HOXD3: variants seen among roughly 807,000 people sequenced by gnomAD.
The protein encoded by HOXD3 is homeobox D3.
A neutral mutation model predicts 32.8 loss-of-function variants in HOXD3; 13 were observed. That is an observed-to-expected ratio of 0.40 (90% CI 0.26 to 0.63). HOXD3 has a LOEUF of 0.63. Ranked by LOEUF, HOXD3 falls within the 20% of genes least tolerant of loss-of-function variation. The probability of loss-of-function intolerance (pLI) is 0.44; values close to 1 mark genes in which losing one functional copy is unlikely to be tolerated. For missense variants in HOXD3, 504 were observed against 577.1 expected, an observed-to-expected ratio of 0.87 and a Z score of 1.30; for synonymous variants, 241 against 246.8, an observed-to-expected ratio of 0.98 and a Z score of 0.22.
chr2:176,166,261 A>T (rs1260952281), intron 2 of HOXD3, among the ~76,000 whole-genome samples: 1 of 152,242 alleles, frequency 6.6e-6, no homozygotes, highest in Non-Finnish European at 1.5e-5. Flanking sequence ...GCAAATATAT[A>T]TATAAAGCCA....
intron 1 of HOXD3, among the ~76,000 whole-genome samples, chr2:176,159,450 C>T (rs925910710): frequency 6.6e-6 from 1 of 152,214 alleles, no homozygotes; most frequent in Non-Finnish European, 1.5e-5. Flanking sequence ...TCACCGGTCT[C>T]AGACCCTGCA....
chr2:176,156,673 G>A (rs4972505), upstream of HOXD3, among the ~76,000 whole-genome samples: 67,681 of 151,712 alleles, frequency 0.45, 15,778 homozygotes, highest in East Asian at 0.72. Context: ...CACCCCTCAG[G>A]CAACAATAAA....
chr2:176,164,652 C>T (rs1030462150), intron 2 of HOXD3: 2 of 151,804 alleles, frequency 1.3e-5, no homozygotes, highest in African/African-American at 4.9e-5. Context: ...GATCCGTGGG[C>T]TTCTGACCCT....
chr2:176,158,282 C>T (rs145919033), intron 1 of HOXD3, among the ~76,000 whole-genome samples: 1 of 152,206 alleles, frequency 6.6e-6, no homozygotes, highest in South Asian at 2.1e-4. Flanking sequence ...GAGGCCAGTG[C>T]GGGCTGCAGA....
Position 176,169,453 on chromosome 2 carries a change from G to A in HOXD3, c.339G>A (p.Glu113=). 6.2e-7 allele frequency: 1 copy of A among 1,613,018 alleles called. No homozygotes were observed. Among genetic ancestry groups the A allele is most frequent in the Non-Finnish European group, 8.5e-7 (1 of 1,179,504 alleles). The change falls in exon 3 of 4, where the codon GAG becomes GAA. Residue 113 remains glutamate, a synonymous_variant. Coordinates refer to ENST00000683222, the MANE Select transcript of HOXD3 (RefSeq NM_006898.5). ...GGSQPPGLNS[E]QQPPQPPPPP... Reference sequence around the variant, plus strand: ...GCCAGCCTCCTGGTCTGAACTCAGAGCAGCAGCCACCACAACCCCCTCCTC... The same window carrying A: ...GCCAGCCTCCTGGTCTGAACTCAGAACAGCAGCCACCACAACCCCCTCCTC...
intron 3 of HOXD3, 129 bp downstream of exon 3, chr2:176,169,784 T>G: frequency 1.7e-6 from 2 of 1,182,092 alleles, no homozygotes; most frequent in Non-Finnish European, 2.3e-6. Context: ...AAAATGTTCT[T>G]TTTTTTAGTG....
In HOXD3 at chr2:176,169,124, GAGCAGGGTC is replaced by G; in HGVS notation, c.17_25del (p.Gly6_Gln8del). On this transcript the variant is annotated inframe_deletion, in exon 3 of 4. Transcript: ENST00000683222. ...GATACAGTGGTAGTCAATGTTATTT[GAGCAGGGTC>G]AGCAGGCCCTGGAGCTTCCTGAGTG... 8 of 1,608,362 alleles carry G rather than the reference GAGCAGGGTC, an allele frequency of 5.0e-6. No individual in the cohort carries two copies. The highest frequency in any genetic ancestry group is 6.8e-6 in the Non-Finnish European group (8 of 1,176,908).
rs1690701356 is a variant in HOXD3 at position 176,158,580 on chromosome 2, G to GC, written c.-181+1129dup. ...TGGTGGTTGTTTTGGGATTATGTGT[G>GC]CGTGTGTGTTTGTGTGTGTGTGTGT... is the stretch of plus-strand genomic sequence containing the variant. On this transcript the variant is annotated intron_variant, in intron 1 of 3. Coordinates refer to ENST00000683222, the MANE Select transcript of HOXD3 (RefSeq NM_006898.5). 3.9e-5 allele frequency among the ~76,000 whole-genome samples: 6 copies of GC among 152,264 alleles called. No individual in the cohort carries two copies. The South Asian group carries it at 1.2e-3, about 32-fold the overall frequency.
chr2:176,169,793 T>C, intron 3 of HOXD3, 138 bp downstream of exon 3: 1 of 1,068,004 alleles, frequency 9.4e-7, no homozygotes, highest in Admixed American at 2.7e-5. Flanking sequence ...TTTTTTTTAG[T>C]GTTCCTGATT....
chr2:176,170,605 G>A (rs113027153), intron 3 of HOXD3, among the ~76,000 whole-genome samples: 2 of 152,150 alleles, frequency 1.3e-5, no homozygotes, highest in East Asian at 3.9e-4. Context: ...TGGGGCCTGG[G>A]GTGTGGCTTG....
At chr2:176,156,083 C>G (rs547007406), upstream of HOXD3, among the ~76,000 whole-genome samples, 5 of 152,322 alleles carry the variant, frequency 3.3e-5, no homozygotes, top group Admixed American at 3.3e-4. Flanking sequence ...AATCTCCCTC[C>G]TGTTTGGTGC....
chr2:176,160,805 ACGGG>A (rs1690776478), intron 1 of HOXD3: 1 of 150,288 alleles, frequency 6.7e-6, no homozygotes, highest in African/African-American at 2.4e-5. Flanking sequence ...CCGAGAGCGG[ACGGG>A]CGGGCGGGTG....
chr2:176,170,071 TAGAA>T (rs1464393787), intron 3 of HOXD3, among the ~76,000 whole-genome samples: 1 of 152,194 alleles, frequency 6.6e-6, no homozygotes, highest in Non-Finnish European at 1.5e-5. Context: ...ACTAAAGTCT[TAGAA>T]AGTACCATAC....
chr2:176,162,263 C>T (rs1478629220), intron 1 of HOXD3, among the ~76,000 whole-genome samples: 8 of 152,240 alleles, frequency 5.3e-5, no homozygotes, highest in Non-Finnish European at 1.0e-4. Context: ...AATCCAATTA[C>T]CGCGAGTAGC....
chr2:176,155,311 C>T (rs1690621675), upstream of HOXD3, among the ~76,000 whole-genome samples: 1 of 152,142 alleles, frequency 6.6e-6, no homozygotes, highest in Non-Finnish European at 1.5e-5. Flanking sequence ...TCAGGTTACT[C>T]ACCCCCAGTT....
At chr2:176,170,868 C>A (rs776290260) in intron 3 of HOXD3, among the ~76,000 whole-genome samples, 16 of 151,618 alleles carry the variant, frequency 1.1e-4, no homozygotes, top group South Asian at 2.1e-4. Context: ...TCCAGCCTGG[C>A]CTTGGACTCC....
chr2:176,152,996 C>T (rs1690575592), upstream of HOXD3: 4 of 1,564,824 alleles, frequency 2.6e-6, no homozygotes, highest in Non-Finnish European at 3.5e-6. The surrounding 1 kb of genome is among the most constrained non-coding windows in gnomAD (Gnocchi z 5.2). Flanking sequence ...GCCGAAGCTG[C>T]GGGGGCAGGC....
chr2:176,172,196 T>C lies in HOXD3; in HGVS notation c.1221T>C (p.His407=). ...GNHHHGPCDP[H]PTYTDLSAHH... is the part of the protein sequence containing the mutation. ...ACCACCATGGACCTTGCGACCCTCA[T>C]CCCACCTACACAGATCTCTCGGCCC... The change falls in exon 4 of 4, where the codon CAT becomes CAC. Residue 407 remains histidine (H), a synonymous_variant. Transcript: ENST00000683222. 6.2e-7 allele frequency: 1 copy of C among 1,612,470 alleles called. No individual in the cohort carries two copies. Among genetic ancestry groups the C allele is most frequent in the African/African-American group, 1.3e-5 (1 of 75,016 alleles).
At chr2:176,153,228 C>T (rs1202650690), upstream of HOXD3, 4 of 452,910 alleles carry the variant, frequency 8.8e-6, no homozygotes, top group East Asian at 4.0e-5. Context: ...TGAAAATCAC[C>T]GCTCTTGGAT....
Sources: allele counts gnomAD v4.1 joint callset (sites outside exome capture counted in the v4.1 genomes callset), GRCh38; gene constraint gnomAD v4.1.1; non-coding constraint Gnocchi (gnomAD v3.1); transcripts MANE v1.5; gene names NCBI Gene and HGNC (gene_info 2026-07-23, HGNC 2026-07-21).